RIT2: variants seen among roughly 807,000 people sequenced by gnomAD.
RIT2 encodes GTP-binding protein Rit2.
Under a neutral mutation model 23.7 loss-of-function variants are expected in RIT2, and 24 were observed. The observed-to-expected ratio is 1.01, with a 90% CI of 0.73 to 1.43. The LOEUF is 1.43. Ranked by LOEUF, RIT2 falls within the 40% of genes most tolerant of loss-of-function variation. The probability of loss-of-function intolerance (pLI) is 0.00; values close to 1 mark genes in which losing one functional copy is unlikely to be tolerated. For synonymous variants in RIT2, 107 were observed against 91.1 expected (o/e 1.17, Z -0.99); for missense variants, 236 against 266.9 (o/e 0.88, Z 0.81).
In RIT2 at chr18:42,981,661, G is replaced by GA. The variant is rs201045001; in HGVS notation, c.161-7515dup. ...TCAAAATTCCAGAAATAGAATTCTG[G>GA]AAAAAAAAATTAAAAATATTAAAAA... On this transcript the variant is annotated intron_variant, in intron 2 of 4. Transcript: ENST00000326695. Among the ~76,000 whole-genome samples, 381 of 149,194 alleles carry GA rather than the reference G, an allele frequency of 2.6e-3. 2 individuals carry two copies. Among genetic ancestry groups the GA allele is most frequent in the Non-Finnish European group, 3.7e-3 (250 of 67,406 alleles).
intron 3 of RIT2, among the ~76,000 whole-genome samples, chr18:42,950,678 A>C (rs1909829039): frequency 6.6e-6 from 1 of 151,936 alleles, no homozygotes; most frequent in South Asian, 2.1e-4. Flanking sequence ...AGTCTATAAA[A>C]AACTTAAATA....
intron 4 of RIT2, among the ~76,000 whole-genome samples, chr18:42,905,772 C>T (rs1480578948): frequency 6.6e-6 from 1 of 151,336 alleles, no homozygotes; most frequent in Admixed American, 6.6e-5. Flanking sequence ...CGTGCCCGGC[C>T]AAACACATGT....
intron 2 of RIT2, among the ~76,000 whole-genome samples, chr18:42,997,734 TA>T (rs530406194): frequency 1.7e-3 from 263 of 152,206 alleles, no homozygotes; most frequent in African/African-American, 5.8e-3. Flanking sequence ...GAAGAGAACT[TA>T]AAATAATAAA....
At chr18:43,024,358 A>G (rs1193424245) in intron 2 of RIT2, among the ~76,000 whole-genome samples, 2 of 152,156 alleles carry the variant, frequency 1.3e-5, no homozygotes. Flanking sequence ...TGTCATATGC[A>G]GAATAATGAA....
chr18:42,913,265 A>C, intron 4 of RIT2, among the ~76,000 whole-genome samples: 1 of 151,864 alleles, frequency 6.6e-6, no homozygotes, highest in African/African-American at 2.4e-5. Flanking sequence ...ATGTGAAACA[A>C]AATGATAGAA....
chr18:42,779,291 T>C (rs975615183), intron 4 of RIT2, among the ~76,000 whole-genome samples: 1 of 152,130 alleles, frequency 6.6e-6, no homozygotes, highest in Non-Finnish European at 1.5e-5. Flanking sequence ...TTGTGAGCCA[T>C]CCCATTGAAA....
chr18:42,779,316 A>G (rs139538758), intron 4 of RIT2, among the ~76,000 whole-genome samples: 1 of 152,194 alleles, frequency 6.6e-6, no homozygotes, highest in African/African-American at 2.4e-5. Flanking sequence ...ATTGTCAAAA[A>G]AGATAGAGCC....
chr18:42,787,763 G>T (rs1413690543), intron 4 of RIT2, among the ~76,000 whole-genome samples: 1 of 152,034 alleles, frequency 6.6e-6, no homozygotes, highest in African/African-American at 2.4e-5. Context: ...TAGTAAACAT[G>T]AATCCTAATG....
chr18:43,010,789 A>G (rs1315110548), intron 2 of RIT2, among the ~76,000 whole-genome samples: 2 of 151,788 alleles, frequency 1.3e-5, no homozygotes, highest in South Asian at 2.1e-4. Context: ...AAAAGAAAAA[A>G]GTTGTAAACA....
At chr18:42,951,598 A>AATAT (rs980358582) in intron 3 of RIT2, among the ~76,000 whole-genome samples, 11 of 145,960 alleles carry the variant, frequency 7.5e-5, no homozygotes, top group African/African-American at 2.4e-4. Context: ...AAAAGAAAAA[A>AATAT]ATATATATAT....
intron 3 of RIT2, among the ~76,000 whole-genome samples, chr18:42,964,562 G>A (rs567914108): frequency 7.2e-5 from 11 of 152,066 alleles, no homozygotes; most frequent in Non-Finnish European, 1.6e-4. Context: ...GTTATCTTAT[G>A]TAAAAATGCA....
At chr18:42,780,879 G>A (rs1284447979) in intron 4 of RIT2, among the ~76,000 whole-genome samples, 1 of 151,444 alleles carries the variant, frequency 6.6e-6, no homozygotes, top group African/African-American at 2.4e-5. Context: ...GTTGCGGGGG[G>A]CTTAGAATTT....
At chr18:42,976,765 T>C (rs1910486288) in intron 2 of RIT2, among the ~76,000 whole-genome samples, 2 of 152,124 alleles carry the variant, frequency 1.3e-5, no homozygotes, top group Admixed American at 1.3e-4. Flanking sequence ...ATGCTCGCTC[T>C]GGCTGAAATG....
chr18:43,033,919 T>C, intron 1 of RIT2, 52 bp from the exon 2 acceptor site: 1 of 1,251,940 alleles, frequency 8.0e-7, no homozygotes, highest in Non-Finnish European at 1.2e-6. Context: ...AATTCATCAA[T>C]AAGTTATTTA....
intron 4 of RIT2, among the ~76,000 whole-genome samples, chr18:42,867,770 G>A (rs8090427): frequency 3.3e-5 from 5 of 152,072 alleles, no homozygotes; most frequent in African/African-American, 9.7e-5. Flanking sequence ...CTACAGCCTG[G>A]GTAACATAGC....
intron 4 of RIT2, among the ~76,000 whole-genome samples, chr18:42,842,451 T>C (rs147860362): frequency 2.0e-5 from 3 of 152,170 alleles, no homozygotes; most frequent in African/African-American, 4.8e-5. Context: ...ATATAATAAG[T>C]ATATTCAATG....
At chr18:42,994,735 C>A (rs894934816) in intron 2 of RIT2, among the ~76,000 whole-genome samples, 35 of 152,288 alleles carry the variant, frequency 2.3e-4, no homozygotes, top group Admixed American at 1.6e-3. Flanking sequence ...CATGTCTCCA[C>A]GCAGCGGCTG....
chr18:42,981,581 T>C (rs550282660), intron 2 of RIT2, among the ~76,000 whole-genome samples: 2 of 151,906 alleles, frequency 1.3e-5, no homozygotes, highest in African/African-American at 4.8e-5. Context: ...CCAATCATCA[T>C]CCCAAAAGAC....
intron 4 of RIT2, among the ~76,000 whole-genome samples, chr18:42,902,629 T>C (rs577625926): frequency 3.4e-4 from 51 of 151,736 alleles, no homozygotes; most frequent in Middle Eastern, 6.8e-3. Context: ...TGGAGGGCCA[T>C]TGAGGTATAC....
Sources: gnomAD v4.1 joint callset for allele counts (sites outside exome capture counted in the v4.1 genomes callset) on GRCh38, gnomAD v4.1.1 for gene constraint, MANE v1.5 for transcripts, NCBI Gene and HGNC (gene_info 2026-07-23, HGNC 2026-07-21) for gene names.